PPARGC1B: variants seen among roughly 807,000 people sequenced by gnomAD.
PPARGC1B encodes peroxisome proliferator-activated receptor gamma coactivator 1-beta.
PPARGC1B carries 34 observed loss-of-function variants against 101.6 expected under a neutral mutation model. The ratio of observed to expected loss-of-function variants is 0.33; its 90% CI spans 0.25 to 0.45. The LOEUF is 0.45. Ranked by LOEUF, PPARGC1B falls within the 20% of genes least tolerant of loss-of-function variation. The pLI, the probability that PPARGC1B is intolerant of heterozygous loss-of-function variation, is 1.00. For synonymous variants in PPARGC1B, 548 were observed against 539.3 expected, an observed-to-expected ratio of 1.02 and a Z score of -0.22; for missense variants, 1,234 against 1,317.6, an observed-to-expected ratio of 0.94 and a Z score of 0.98.
At position 149,836,546 on chromosome 5, in the gene PPARGC1B, G is replaced by C. The variant is rs377650657; in HGVS notation, c.2091G>C (p.Val697=). 6 of 1,613,822 alleles carry C rather than the reference G, an allele frequency of 3.7e-6. No homozygotes were observed. The highest frequency in any genetic ancestry group is 1.7e-6 in the Non-Finnish European group (2 of 1,180,058). The change falls in exon 8 of 12, where the codon GTG becomes GTC. Residue 697 remains valine (V), a synonymous_variant. Transcript: ENST00000309241. The part of the protein sequence containing the change: ...CSFGDHDYCQ[V]LRPEGVLQRK... Reference sequence around the variant, plus strand: ...TTGGAGACCATGACTACTGCCAGGTGCTCCGACCAGAAGGCGTCCTGCAAA... The same window carrying C: ...TTGGAGACCATGACTACTGCCAGGTCCTCCGACCAGAAGGCGTCCTGCAAA...
At chr5:149,758,495 C>T (rs993572285) in intron 1 of PPARGC1B, among the ~76,000 whole-genome samples, 1 of 152,240 alleles carries the variant, frequency 6.6e-6, no homozygotes, top group African/African-American at 2.4e-5. Context: ...ACTGGCGCTG[C>T]ACATAGCAGT....
chr5:149,826,837 C>G lies in PPARGC1B; in HGVS notation c.417C>G (p.Ala139=). The change falls in exon 3 of 12, where the codon GCC becomes GCG. Residue 139 remains alanine (A), a synonymous_variant. Transcript: ENST00000309241. ...PAPSSAPPSP[A]PEKPSAPAPE... The stretch of plus-strand genomic sequence containing the variant: ...CCTCATCTGCACCCCCCAGCCCTGC[C>G]CCGGAGAAGCCCTCGGCCCCAGCCC... 6.2e-7 allele frequency: 1 copy of G among 1,613,808 alleles called. No homozygotes were observed. Among genetic ancestry groups the G allele is most frequent in the Middle Eastern group, 1.7e-4 (1 of 6,046 alleles).
intron 1 of PPARGC1B, among the ~76,000 whole-genome samples, chr5:149,789,711 G>A (rs1421821074): frequency 6.6e-6 from 1 of 152,182 alleles, no homozygotes; most frequent in East Asian, 1.9e-4. Flanking sequence ...AGGCAGCCTG[G>A]CTCTGGTCTC....
rs1218213975 is a variant in PPARGC1B, at chr5:149,848,634, A to G, written c.*1076A>G. On this transcript the variant is annotated 3_prime_UTR_variant, in exon 12 of 12. Coordinates refer to ENST00000309241, the MANE Select transcript of PPARGC1B (RefSeq NM_133263.4). ...ATTCAAGCCCTGGCATGTGTCTTGG[A>G]TGCACCATCAGCTTTGATCCTGAGT... The G allele has an allele frequency of 6.6e-6, 1 of 152,194 alleles. No individual in the cohort carries two copies. The highest frequency in any genetic ancestry group is 2.4e-5 in the African/African-American group (1 of 41,432). The allele number at this position is 152,194 out of a possible 1,614,324, so 9.4% of individuals were successfully genotyped here.
intron 1 of PPARGC1B, among the ~76,000 whole-genome samples, chr5:149,778,241 G>C (rs889912855): frequency 6.6e-6 from 1 of 152,010 alleles, no homozygotes; most frequent in Non-Finnish European, 1.5e-5. Context: ...GGGGATGACA[G>C]AAGGGAGGCA....
At position 149,832,517 on chromosome 5, in the gene PPARGC1B, C is replaced by A. The variant is rs1407786139; in HGVS notation, c.583-139C>A. 4.3e-6 allele frequency: 3 copies of A among 699,856 alleles called. No individual in the cohort carries two copies. In the African/African-American group the frequency reaches 5.4e-5, roughly 13 times the overall value. 43.4% of individuals were successfully genotyped at this position (699,856 alleles called of 1,614,324 possible). A position where few individuals can be genotyped will look rare whatever the true frequency, so the allele number is the denominator to read the frequency against. ...CAGGTGCCCGGCTCTGTGTGGGAAG[C>A]TGGGGACGGAATGAAGGAAACCTGG... On this transcript the variant is annotated intron_variant, in intron 4 of 11. Coordinates refer to ENST00000309241, the MANE Select transcript of PPARGC1B (RefSeq NM_133263.4). This position sits in a 1 kb window ranked among gnomAD's most constrained non-coding sequence, Gnocchi z 4.9.
intron 1 of PPARGC1B, among the ~76,000 whole-genome samples, chr5:149,784,316 C>T (rs1255083183): frequency 6.6e-6 from 1 of 152,048 alleles, no homozygotes; most frequent in African/African-American, 2.4e-5. Context: ...CACGCTCTCA[C>T]AACGGCCTGT....
At chr5:149,750,489 T>TATATATATATA (rs1237110085) in intron 1 of PPARGC1B, among the ~76,000 whole-genome samples, 1 of 132,118 alleles carries the variant, frequency 7.6e-6, no homozygotes, top group Non-Finnish European at 1.6e-5. Context: ...TATATATATA[T>TATATATATATA]GTTAATAGGG....
At chr5:149,770,320 G>A (rs781213356) in intron 1 of PPARGC1B, among the ~76,000 whole-genome samples, 1 of 152,230 alleles carries the variant, frequency 6.6e-6, no homozygotes, top group African/African-American at 2.4e-5. Flanking sequence ...AAAAAAAGGC[G>A]AGAACACTCT....
rs769627795 is a variant in PPARGC1B at position 149,848,638 on chromosome 5, A to T, written c.*1080A>T. The T allele has an allele frequency of 9.9e-5, 15 of 152,218 alleles. No individual in the cohort carries two copies. The highest frequency in any genetic ancestry group is 1.6e-4 in the Non-Finnish European group (11 of 68,064). The allele number at this position is 152,218 out of a possible 1,614,324, so 9.4% of individuals were successfully genotyped here. On this transcript the variant is annotated 3_prime_UTR_variant, in exon 12 of 12. Coordinates refer to ENST00000309241, the MANE Select transcript of PPARGC1B (RefSeq NM_133263.4). Reference sequence around the variant, plus strand: ...AAGCCCTGGCATGTGTCTTGGATGCACCATCAGCTTTGATCCTGAGTGGTC... The same window carrying T: ...AAGCCCTGGCATGTGTCTTGGATGCTCCATCAGCTTTGATCCTGAGTGGTC...
intron 3 of PPARGC1B, among the ~76,000 whole-genome samples, chr5:149,829,683 T>C (rs1326111691): frequency 1.3e-5 from 2 of 150,944 alleles, no homozygotes; most frequent in Non-Finnish European, 3.0e-5. Context: ...TTTACAGTTT[T>C]TATAGAAAAA....
chr5:149,780,860 G>A (rs180905704), intron 1 of PPARGC1B, among the ~76,000 whole-genome samples: 59 of 152,336 alleles, frequency 3.9e-4, no homozygotes, highest in African/African-American at 1.3e-3. Context: ...CGGGAGAGGC[G>A]TGGCACTGGT....
Position 149,756,233 on chromosome 5 carries a change from G to A in PPARGC1B, c.78+25813G>A, listed in dbSNP as rs187720210. Among the ~76,000 whole-genome samples, 413 of 152,244 alleles carry A rather than the reference G, an allele frequency of 2.7e-3. 6 individuals carry two copies. Among genetic ancestry groups the A allele is most frequent in the South Asian group, 0.023 (113 of 4,818 alleles). ...TGCCAGCACTTTGAGAGGCCGGGAC[G>A]GGTGGATCACTTGAGGACAGGAGTT... On this transcript the variant is annotated intron_variant, in intron 1 of 11. Transcript: ENST00000309241.
chr5:149,784,560 CTTT>C (rs72364863), intron 1 of PPARGC1B, among the ~76,000 whole-genome samples: 35 of 75,700 alleles, frequency 4.6e-4, no homozygotes, highest in South Asian at 4.5e-3. Context: ...AACTGAGTTT[CTTT>C]TTTTTTTTTT....
chr5:149,801,296 GA>G (rs1409741079), intron 1 of PPARGC1B, among the ~76,000 whole-genome samples: 8 of 152,352 alleles, frequency 5.3e-5, no homozygotes, highest in Non-Finnish European at 1.0e-4. Context: ...TGTACCTTCA[GA>G]AGGCCATGAG....
intron 1 of PPARGC1B, among the ~76,000 whole-genome samples, chr5:149,735,224 C>G (rs200249512): frequency 6.6e-6 from 1 of 152,176 alleles, no homozygotes; most frequent in African/African-American, 2.4e-5. Context: ...GATTCCCTGG[C>G]TGGTGCTAAT....
chr5:149,772,267 G>T (rs1381003479), intron 1 of PPARGC1B: 21 of 1,538,748 alleles, frequency 1.4e-5, no homozygotes, highest in Non-Finnish European at 1.8e-5. Context: ...GTGATGTGGC[G>T]ATGGTGGGTT....
rs1758910037 is a variant in PPARGC1B at position 149,833,558 on chromosome 5, G to A, written c.1485G>A (p.Glu495=). 6.3e-7 allele frequency: 1 copy of A among 1,587,874 alleles called. No homozygotes were observed. The highest frequency in any genetic ancestry group is 1.3e-5 in the African/African-American group (1 of 74,284). ...ELGPWLTFAD[E]PLVPSEPQGA... ...GCCCCTGGCTGACATTTGCAGATGA[G>A]CCGCTGGTCCCCTCGGAGCCCCAAG... Residue 495 remains glutamate (E), a synonymous_variant, in exon 5 of 12, where the codon GAG becomes GAA. Transcript: ENST00000309241. The surrounding 1 kb of genome is among the most constrained non-coding windows in gnomAD (Gnocchi z 4.1).
At chr5:149,743,207 G>A (rs1754972519) in intron 1 of PPARGC1B, among the ~76,000 whole-genome samples, 1 of 149,688 alleles carries the variant, frequency 6.7e-6, no homozygotes, top group African/African-American at 2.5e-5. Context: ...CCAGGCTGGA[G>A]TGCAGTGGTG....
Sources: gnomAD v4.1 joint callset for allele counts (sites outside exome capture counted in the v4.1 genomes callset) on GRCh38, gnomAD v4.1.1 for gene constraint, Gnocchi (gnomAD v3.1) non-coding constraint, MANE v1.5 for transcripts, NCBI Gene and HGNC (gene_info 2026-07-23, HGNC 2026-07-21) for gene names.